Variants in ZC3H15 observed in about 807,000 individuals in gnomAD.
ZC3H15 encodes the protein zinc finger CCCH-type containing 15.
In ZC3H15, 15 loss-of-function variants were observed where a neutral mutation model predicts 51.2. The ratio of observed to expected loss-of-function variants is 0.29; its 90% CI spans 0.20 to 0.45. ZC3H15 has a LOEUF of 0.45. Ranked by LOEUF, ZC3H15 falls within the 20% of genes least tolerant of loss-of-function variation. ZC3H15 has a pLI of 1.00. For missense variants in ZC3H15, 381 were observed against 494.7 expected, an observed-to-expected ratio of 0.77 and a Z score of 2.18; for synonymous variants, 144 against 162.8, an observed-to-expected ratio of 0.88 and a Z score of 0.88.
At chr2:186,493,066 C>A (rs1446350799) in intron 1 of ZC3H15, among the ~76,000 whole-genome samples, 3 of 151,634 alleles carry the variant, frequency 2.0e-5, no homozygotes, top group Non-Finnish European at 4.4e-5. Flanking sequence ...TGTCTGAGTG[C>A]CTGTCTAGGA....
chr2:186,499,880 G>T (rs1209727363), intron 2 of ZC3H15, among the ~76,000 whole-genome samples: 1 of 152,190 alleles, frequency 6.6e-6, no homozygotes, highest in East Asian at 1.9e-4. Flanking sequence ...GGAGTGGGTT[G>T]TTTTCACAGA....
intron 9 of ZC3H15, chr2:186,507,350 G>A (rs763639585): frequency 2.2e-5 from 10 of 455,680 alleles, no homozygotes; most frequent in South Asian, 1.1e-4. Flanking sequence ...CAATGATAAC[G>A]GTGAGAAGAA....
intron 3 of ZC3H15, 145 bp from the exon 4 acceptor site, chr2:186,501,128 T>C (rs1685375896): frequency 1.4e-6 from 1 of 700,788 alleles, no homozygotes; most frequent in South Asian, 3.2e-5. Flanking sequence ...TAAAGAAATG[T>C]CTTGCTAATC....
At chr2:186,491,469 T>C (rs934147709) in intron 1 of ZC3H15, among the ~76,000 whole-genome samples, 12 of 152,336 alleles carry the variant, frequency 7.9e-5, no homozygotes, top group Middle Eastern at 3.4e-3. Context: ...GGCAAGTAAC[T>C]GTGCCAGGGA....
At chr2:186,497,215 C>T (rs1480938048) in intron 2 of ZC3H15, 5 of 396,110 alleles carry the variant, frequency 1.3e-5, no homozygotes, top group Admixed American at 3.8e-5. Context: ...AAGAATTTCT[C>T]ATGTGTTTAC....
At chr2:186,489,941 G>T (rs1685166821) in intron 1 of ZC3H15, among the ~76,000 whole-genome samples, 1 of 152,184 alleles carries the variant, frequency 6.6e-6, no homozygotes, top group Non-Finnish European at 1.5e-5. Flanking sequence ...TAAAGTGCCT[G>T]CCATATGGTG....
chr2:186,498,686 C>G (rs557079261), intron 2 of ZC3H15, among the ~76,000 whole-genome samples: 70 of 152,094 alleles, frequency 4.6e-4, no homozygotes, highest in Non-Finnish European at 8.4e-4. Flanking sequence ...ACATTTTGTC[C>G]TGGTTTTCTA....
rs1574425847 is a variant in ZC3H15 at position 186,501,527 on chromosome 2, TG to T, written c.442+103del. The T allele has an allele frequency of 6.8e-6, 4 of 590,116 alleles. No individual in the cohort carries two copies. In the East Asian group the frequency reaches 1.3e-4, roughly 19 times the overall value. The allele number at this position is 590,116 out of a possible 1,614,324, so 36.6% of individuals were successfully genotyped here. ...GAAGAACATTTCAATCTTAATAGAC[TG>T]TTTATAAAAAATAATTAATTGGGTT... On this transcript the variant is annotated intron_variant, in intron 4 of 9. Transcript: ENST00000337859.
chr2:186,509,104 T>C lies in ZC3H15; in HGVS notation c.*371T>C. On this transcript the variant is annotated 3_prime_UTR_variant, in exon 10 of 10. Transcript: ENST00000337859. ...AAATACCCTTCATTTGACACAGTTT[T>C]TAATGAGTGATTTAATTTCCTCTGT... is the stretch of plus-strand genomic sequence containing the variant. 2.2e-6 allele frequency: 1 copy of C among 458,006 alleles called. No homozygotes were observed. Among genetic ancestry groups the C allele is most frequent in the South Asian group, 1.6e-5 (1 of 64,076 alleles). The allele number at this position is 458,006 out of a possible 1,614,324, so 28.4% of individuals were successfully genotyped here.
At chr2:186,506,994 G>A (rs924178559) in intron 9 of ZC3H15, among the ~76,000 whole-genome samples, 158 bp downstream of exon 9, 2 of 152,178 alleles carry the variant, frequency 1.3e-5, no homozygotes, top group Non-Finnish European at 2.9e-5. Flanking sequence ...GTGAAAGGCT[G>A]TAGACATGAG....
At position 186,486,338 on chromosome 2, in the gene ZC3H15, G is replaced by A. The variant is rs367625673; in HGVS notation, c.-45G>A. 1 of 1,513,058 alleles carries A rather than the reference G, an allele frequency of 6.6e-7. No individual in the cohort carries two copies. Among genetic ancestry groups the A allele is most frequent in the African/African-American group, 1.4e-5 (1 of 72,170 alleles). The allele number at this position is 1,513,058 out of a possible 1,614,324, so 93.7% of individuals were successfully genotyped here. On this transcript the variant is annotated 5_prime_UTR_variant, in exon 1 of 10. Coordinates refer to ENST00000337859, the MANE Select transcript of ZC3H15 (RefSeq NM_018471.3). ...TGCCGCAGGGCCAGAACCCCTGACG[G>A]TATTCAGCTGCGCGTAAGTCTGGCC... is the stretch of plus-strand genomic sequence containing the variant.
intron 9 of ZC3H15, among the ~76,000 whole-genome samples, chr2:186,508,277 T>C (rs183234588): frequency 7.4e-4 from 112 of 152,310 alleles, no homozygotes; most frequent in African/African-American, 2.6e-3. Flanking sequence ...CACAGAGGTG[T>C]AGAAGATTGA....
chr2:186,505,876 T>C (rs1685458822), intron 8 of ZC3H15, 35 bp downstream of exon 8: 1 of 1,597,440 alleles, frequency 6.3e-7, no homozygotes, highest in Non-Finnish European at 8.6e-7. Flanking sequence ...CTCCTTATGT[T>C]AATTGAAAGA....
chr2:186,488,159 TA>T (rs1308768599), intron 1 of ZC3H15, among the ~76,000 whole-genome samples: 10 of 152,238 alleles, frequency 6.6e-5, no homozygotes, highest in South Asian at 4.1e-4. Context: ...TAATATATAT[TA>T]TTTTTTTAAT....
At chr2:186,502,657 G>A (rs747860874) in intron 5 of ZC3H15, 70 bp downstream of exon 5, 2 of 1,265,320 alleles carry the variant, frequency 1.6e-6, no homozygotes, top group East Asian at 2.5e-5. Flanking sequence ...CAAGGTATTT[G>A]CTGCTATTTT....
chr2:186,506,600 G>C, intron 8 of ZC3H15, 113 bp from the exon 9 acceptor site: 16 of 1,233,878 alleles, frequency 1.3e-5, no homozygotes, highest in Non-Finnish European at 1.8e-5. Flanking sequence ...CCAGTAATTG[G>C]TCTTTTGTTT....
At chr2:186,503,966 C>A in intron 5 of ZC3H15, 66 bp from the exon 6 acceptor site, 2 of 1,325,964 alleles carry the variant, frequency 1.5e-6, no homozygotes, top group Non-Finnish European at 2.0e-6. Context: ...GTTCCATATA[C>A]TCAGGCATTT....
chr2:186,500,145 C>T (rs752184364), intron 2 of ZC3H15, 37 bp from the exon 3 acceptor site: 2 of 1,554,562 alleles, frequency 1.3e-6, no homozygotes, highest in African/African-American at 1.4e-5. Context: ...ATTTTGTAAA[C>T]AATCAAATTT....
At chr2:186,507,777 C>G (rs920918298) in intron 9 of ZC3H15, among the ~76,000 whole-genome samples, 35 of 152,204 alleles carry the variant, frequency 2.3e-4, no homozygotes, top group Admixed American at 1.3e-4. Flanking sequence ...CTCCCAAGAT[C>G]TGAGAGTGTT....
Sources: allele counts gnomAD v4.1 joint callset (sites outside exome capture counted in the v4.1 genomes callset), GRCh38; gene constraint gnomAD v4.1.1; transcripts MANE v1.5; gene names NCBI Gene and HGNC (gene_info 2026-07-23, HGNC 2026-07-21).